SMAD3: variants seen among roughly 807,000 people sequenced by gnomAD.
The protein encoded by SMAD3 is MAD homolog 3.
A neutral mutation model predicts 51.8 loss-of-function variants in SMAD3; 12 were observed. The observed-to-expected ratio is 0.23, with a 90% CI of 0.15 to 0.38. The LOEUF (loss-of-function observed/expected upper bound fraction) is 0.38. SMAD3 is among the 10% of genes least tolerant of loss of function. The pLI is 1.00. For synonymous variants in SMAD3, 238 were observed against 227.7 expected (o/e 1.05, Z -0.41); for missense variants, 294 against 565.6 (o/e 0.52, Z 4.87).
rs4776342 is a variant in SMAD3 at position 67,126,053 on chromosome 15, A to G, written c.207-38842A>G. 186,987 of 779,918 alleles carry G rather than the reference A, an allele frequency of 0.24. 24,400 individuals carry two copies. Among genetic ancestry groups the G allele is most frequent in the East Asian group, 0.61 (4,899 of 8,090 alleles). 48.3% of individuals were successfully genotyped at this position (779,918 alleles called of 1,614,324 possible). A position where few individuals can be genotyped will look rare whatever the true frequency, so the allele number is the denominator to read the frequency against. ...TTTGTCACTGAGAAGCAGAAACTGT[A>G]TGCTCGACACACACTCCCTGAGTCC... is the stretch of plus-strand genomic sequence containing the variant. On this transcript the variant is annotated intron_variant, in intron 1 of 8. Transcript: ENST00000327367.
chr15:67,158,510 C>G (rs1397761106), intron 1 of SMAD3, among the ~76,000 whole-genome samples: 1 of 152,232 alleles, frequency 6.6e-6, no homozygotes, highest in Non-Finnish European at 1.5e-5. Context: ...GACTGGCGGT[C>G]GTGTGCTCAC....
Position 67,194,923 on chromosome 15 carries a change from T to C in SMAD3, c.*4387T>C, listed in dbSNP as rs896023271. 1 of 233,668 alleles carries C rather than the reference T, an allele frequency of 4.3e-6. No homozygotes were observed. Among genetic ancestry groups the C allele is most frequent in the Admixed American group, 5.6e-5 (1 of 17,796 alleles). The allele number at this position is 233,668 out of a possible 1,614,324, so 14.5% of individuals were successfully genotyped here. A position where few individuals can be genotyped will look rare whatever the true frequency, so the allele number is the denominator to read the frequency against. On this transcript the variant is annotated 3_prime_UTR_variant, in exon 9 of 9. Transcript: ENST00000327367. Reference sequence around the variant, plus strand: ...GCAACTCGGCTGTTCTGGACTCTGATGTGTGTGGAGGGATGGGGAATAGAA... The same window carrying C: ...GCAACTCGGCTGTTCTGGACTCTGACGTGTGTGGAGGGATGGGGAATAGAA...
chr15:67,181,167 G>A, intron 5 of SMAD3, 74 bp from the exon 6 acceptor site: 2 of 1,102,182 alleles, frequency 1.8e-6, no homozygotes, highest in Non-Finnish European at 2.7e-6. Flanking sequence ...TTTCCAGAGT[G>A]TCCATGGGAC....
chr15:67,188,048 G>A lies in SMAD3; in HGVS notation c.1154+539G>A, dbSNP rs753378452. ...CCCAGGATATTAAAACTGAGAGTCC[G>A]GGAAGGGAGGAGGAGATTTGGGTAG... On this transcript the variant is annotated intron_variant, in intron 8 of 8. Transcript: ENST00000327367. Among the ~76,000 whole-genome samples the A allele has an allele frequency of 2.4e-4, 37 of 152,066 alleles. 1 individual carries two copies. The highest frequency in any genetic ancestry group is 5.2e-4 in the Admixed American group (8 of 15,272).
At chr15:67,127,783 C>G (rs1028030746) in intron 1 of SMAD3, among the ~76,000 whole-genome samples, 1 of 152,164 alleles carries the variant, frequency 6.6e-6, no homozygotes, top group Non-Finnish European at 1.5e-5. Context: ...GTGTCGGGCT[C>G]AGGGCCTTTC....
intron 1 of SMAD3, among the ~76,000 whole-genome samples, chr15:67,085,434 A>G (rs1960366917): frequency 6.6e-6 from 1 of 152,260 alleles, no homozygotes; most frequent in Admixed American, 6.5e-5. Context: ...TGATTCCTGC[A>G]CTTGCATTCA....
At chr15:67,151,902 A>G (rs1299695314) in intron 1 of SMAD3, among the ~76,000 whole-genome samples, 1 of 152,176 alleles carries the variant, frequency 6.6e-6, no homozygotes, top group Non-Finnish European at 1.5e-5. Context: ...TAAGCATTCA[A>G]TATTCTCCTA....
At chr15:67,150,580 A>C (rs538293802) in intron 1 of SMAD3, among the ~76,000 whole-genome samples, 144 of 152,270 alleles carry the variant, frequency 9.5e-4, no homozygotes, top group South Asian at 2.3e-3. Flanking sequence ...TGACTGCAGG[A>C]GGCGGGAGGC....
At chr15:67,150,847 C>CTTTTTTTTTTTTTTTTTTTT (rs58914503) in intron 1 of SMAD3, among the ~76,000 whole-genome samples, 2 of 14,674 alleles carry the variant, frequency 1.4e-4, no homozygotes, top group Non-Finnish European at 2.3e-4. Context: ...ATTTCTCAGT[C>CTTTTTTTTTTTTTTTTTTTT]TTTTTTTTTT....
chr15:67,145,885 G>A (rs1022891402), intron 1 of SMAD3, among the ~76,000 whole-genome samples: 10 of 152,156 alleles, frequency 6.6e-5, no homozygotes, highest in African/African-American at 9.7e-5. Flanking sequence ...TTGACACAGT[G>A]GGAAGAAGCT....
At chr15:67,134,773 A>G (rs1015558425) in intron 1 of SMAD3, among the ~76,000 whole-genome samples, 1 of 152,234 alleles carries the variant, frequency 6.6e-6, no homozygotes, top group Admixed American at 6.5e-5. Context: ...CATTCTGCCA[A>G]TGATAACCTA....
At chr15:67,187,665 G>C (rs1326702774) in intron 8 of SMAD3, among the ~76,000 whole-genome samples, 156 bp downstream of exon 8, 1 of 152,246 alleles carries the variant, frequency 6.6e-6, no homozygotes, top group Non-Finnish European at 1.5e-5. Flanking sequence ...GCAGGCAGGA[G>C]GGGCCGGGCC....
At chr15:67,088,212 G>C (rs953797145) in intron 1 of SMAD3, among the ~76,000 whole-genome samples, 1 of 152,170 alleles carries the variant, frequency 6.6e-6, no homozygotes, top group Admixed American at 6.5e-5. Context: ...ATTCTCCCTG[G>C]AGCCCGTGGC....
At chr15:67,108,134 C>T (rs1960923131) in intron 1 of SMAD3, among the ~76,000 whole-genome samples, 1 of 152,190 alleles carries the variant, frequency 6.6e-6, no homozygotes. Flanking sequence ...TCCATCTCCT[C>T]TCACTTGGCC....
chr15:67,122,228 C>G (rs371379969), intron 1 of SMAD3, among the ~76,000 whole-genome samples: 1 of 152,206 alleles, frequency 6.6e-6, no homozygotes, highest in Admixed American at 6.5e-5. Context: ...CATGAGGAAA[C>G]TGAAGGTTAT....
In SMAD3 at chr15:67,181,470, T is replaced by C; in HGVS notation, c.871+17T>C. The C allele has an allele frequency of 6.4e-7, 1 of 1,573,918 alleles. No individual in the cohort carries two copies. The highest frequency in any genetic ancestry group is 1.1e-5 in the South Asian group (1 of 87,030). On this transcript the variant is annotated intron_variant, in intron 6 of 8. Coordinates refer to ENST00000327367, the MANE Select transcript of SMAD3 (RefSeq NM_005902.4). ...GACACATCGGTATGGGGTGGCTCCA[T>C]TCCCCGCCCCCCCACCCTGCCCCTG...
intron 6 of SMAD3, among the ~76,000 whole-genome samples, chr15:67,183,291 G>A (rs1410448852): frequency 2.0e-5 from 3 of 151,624 alleles, no homozygotes; most frequent in African/African-American, 4.9e-5. Flanking sequence ...TGATCTGCCC[G>A]CCTCAGCCTC....
At chr15:67,132,527 A>G (rs1167667785) in intron 1 of SMAD3, among the ~76,000 whole-genome samples, 1 of 152,038 alleles carries the variant, frequency 6.6e-6, no homozygotes, top group African/African-American at 2.4e-5. Context: ...AGAGGCAGGG[A>G]CTCCAAGGCT....
At chr15:67,090,225 T>C (rs960777325) in intron 1 of SMAD3, among the ~76,000 whole-genome samples, 3 of 152,090 alleles carry the variant, frequency 2.0e-5, no homozygotes, top group African/African-American at 7.2e-5. Context: ...GTGCTTAGAA[T>C]CTTGGTGCCT....
Sources: allele counts gnomAD v4.1 joint callset (sites outside exome capture counted in the v4.1 genomes callset), GRCh38; gene constraint gnomAD v4.1.1; transcripts MANE v1.5; gene names NCBI Gene and HGNC (gene_info 2026-07-23, HGNC 2026-07-21).